Variants in LGR6 observed in about 807,000 individuals in gnomAD.
The protein encoded by LGR6 is leucine-rich repeat-containing G protein-coupled receptor 6.
A neutral mutation model predicts 69.4 loss-of-function variants in LGR6; 45 were observed. The observed-to-expected ratio is 0.65, with a 90% CI of 0.51 to 0.83. LGR6 has a LOEUF of 0.83. Among genes scored for constraint, LGR6 ranks in the 40% least tolerant of loss-of-function variants. The pLI is 0.00. For synonymous variants in LGR6, 538 were observed against 555.0 expected, an observed-to-expected ratio of 0.97 and a Z score of 0.43; for missense variants, 1,108 against 1,246.7, an observed-to-expected ratio of 0.89 and a Z score of 1.68.
chr1:202,258,070 C>T (rs909362264), intron 4 of LGR6, among the ~76,000 whole-genome samples: 1 of 151,820 alleles, frequency 6.6e-6, no homozygotes, highest in African/African-American at 2.4e-5. Context: ...CTTATTGATG[C>T]TATTTTAAGT....
intron 6 of LGR6, among the ~76,000 whole-genome samples, chr1:202,287,855 G>A (rs748478550): frequency 2.0e-5 from 3 of 152,206 alleles, no homozygotes; most frequent in Non-Finnish European, 4.4e-5. Flanking sequence ...GGTTATTGCA[G>A]TGGCCTTCTA....
chr1:202,312,079 G>A (rs1222729381), intron 16 of LGR6, among the ~76,000 whole-genome samples: 5 of 152,210 alleles, frequency 3.3e-5, no homozygotes, highest in Admixed American at 6.5e-5. Flanking sequence ...ACTTTCCACC[G>A]AGCTTAGGTC....
intron 4 of LGR6, among the ~76,000 whole-genome samples, chr1:202,265,863 C>T (rs955835433): frequency 7.2e-5 from 11 of 152,084 alleles, no homozygotes; most frequent in Non-Finnish European, 1.0e-4. Context: ...GGACATAGCC[C>T]GCGTCTTCAG....
intron 4 of LGR6, among the ~76,000 whole-genome samples, chr1:202,247,748 G>A (rs1382246786): frequency 1.3e-5 from 2 of 152,206 alleles, no homozygotes; most frequent in African/African-American, 4.8e-5. Context: ...CACCTGGCCT[G>A]GGGGCAGGAG....
At chr1:202,217,517 C>T (rs921680862) in intron 1 of LGR6, among the ~76,000 whole-genome samples, 7 of 152,164 alleles carry the variant, frequency 4.6e-5, no homozygotes, top group Non-Finnish European at 1.0e-4. Context: ...AATGTCTTCC[C>T]CTGCCTTTAT....
chr1:202,311,425 C>G (rs1019610341), intron 16 of LGR6, among the ~76,000 whole-genome samples: 2 of 152,084 alleles, frequency 1.3e-5, no homozygotes, highest in South Asian at 2.1e-4. Context: ...TTTGGGAGGC[C>G]AAGGCGGGTG....
At chr1:202,272,590 C>T (rs1376756619) in intron 4 of LGR6, among the ~76,000 whole-genome samples, 2 of 152,232 alleles carry the variant, frequency 1.3e-5, no homozygotes, top group African/African-American at 4.8e-5. Flanking sequence ...CCATCCAGCC[C>T]TTCCCTAAGA....
intron 4 of LGR6, among the ~76,000 whole-genome samples, chr1:202,273,953 G>A (rs893287619): frequency 3.3e-5 from 5 of 152,160 alleles, no homozygotes; most frequent in African/African-American, 1.2e-4. Flanking sequence ...CAGGGCTTAG[G>A]TATCTGTCTG....
intron 4 of LGR6, among the ~76,000 whole-genome samples, chr1:202,264,849 CG>C (rs1558046916): frequency 2.0e-5 from 3 of 152,068 alleles, no homozygotes; most frequent in African/African-American, 7.3e-5. Context: ...TTTCTCTGCC[CG>C]CCCCCGCCAC....
At chr1:202,222,503 G>A (rs1034318816) in intron 1 of LGR6, among the ~76,000 whole-genome samples, 8 of 152,154 alleles carry the variant, frequency 5.3e-5, no homozygotes, top group African/African-American at 1.7e-4. Context: ...TGAGTCACAC[G>A]CCCTGAGTGC....
chr1:202,233,885 C>T (rs918747715), intron 3 of LGR6, among the ~76,000 whole-genome samples: 1 of 152,166 alleles, frequency 6.6e-6, no homozygotes, highest in Non-Finnish European at 1.5e-5. Flanking sequence ...AAAACTAAGG[C>T]CCGCGGTTCT....
At chr1:202,228,055 T>A (rs1660701588) in intron 3 of LGR6, 48 bp downstream of exon 3, 1 of 1,377,444 alleles carries the variant, frequency 7.3e-7, no homozygotes, top group Non-Finnish European at 1.0e-6. Context: ...GCACTGAGAA[T>A]GGTGAGCAAA....
At chr1:202,287,200 A>G (rs990552916) in intron 6 of LGR6, among the ~76,000 whole-genome samples, 3 of 152,194 alleles carry the variant, frequency 2.0e-5, no homozygotes, top group African/African-American at 4.8e-5. Context: ...CACTCATTCC[A>G]TAAATATTTA....
chr1:202,214,653 G>A (rs1659644692), intron 1 of LGR6, among the ~76,000 whole-genome samples: 2 of 152,158 alleles, frequency 1.3e-5, no homozygotes, highest in African/African-American at 4.8e-5. Context: ...ATTTAAAATG[G>A]GAATAAATAA....
At chr1:202,255,509 T>G (rs1338139442) in intron 4 of LGR6, among the ~76,000 whole-genome samples, 2 of 152,336 alleles carry the variant, frequency 1.3e-5, no homozygotes, top group South Asian at 4.1e-4. Flanking sequence ...CCGCTCAGGC[T>G]GCAGAGTCCG....
intron 14 of LGR6, among the ~76,000 whole-genome samples, chr1:202,308,506 G>A (rs1490655221): frequency 6.6e-6 from 1 of 152,172 alleles, no homozygotes; most frequent in Non-Finnish European, 1.5e-5. Context: ...AGAAGAAAAT[G>A]CATGTCCTCG....
intron 3 of LGR6, among the ~76,000 whole-genome samples, chr1:202,234,560 G>A (rs1661361340): frequency 2.6e-5 from 4 of 152,174 alleles, no homozygotes; most frequent in Admixed American, 2.6e-4. Context: ...TATGATAGAT[G>A]CTGTGGTGTA....
chr1:202,300,434 ACTTTAGC>A (rs2148258025), intron 7 of LGR6, among the ~76,000 whole-genome samples: 1 of 152,296 alleles, frequency 6.6e-6, no homozygotes, highest in Non-Finnish European at 1.5e-5. Context: ...CAGGAGGATC[ACTTTAGC>A]CCAGGAGTTC....
chr1:202,240,391 C>T (rs1571874269), intron 4 of LGR6, among the ~76,000 whole-genome samples: 2 of 147,772 alleles, frequency 1.4e-5, no homozygotes, highest in East Asian at 2.0e-4. Flanking sequence ...AAAAAAAAAA[C>T]GACATGAAAG....
Sources: allele counts gnomAD v4.1 joint callset (sites outside exome capture counted in the v4.1 genomes callset), GRCh38; gene constraint gnomAD v4.1.1; transcripts MANE v1.5; gene names NCBI Gene and HGNC (gene_info 2026-07-23, HGNC 2026-07-21).